Variants in PDE4D observed in about 807,000 individuals in gnomAD.
PDE4D encodes phosphodiesterase 4D, also known as 3',5'-cyclic-AMP phosphodiesterase 4D.
Under a neutral mutation model 87.4 loss-of-function variants are expected in PDE4D, and 24 were observed. The observed-to-expected ratio is 0.27, with a 90% CI of 0.20 to 0.39. The LOEUF (loss-of-function observed/expected upper bound fraction) is 0.39. Ranked by LOEUF, PDE4D falls within the 10% of genes least tolerant of loss-of-function variation. The pLI is 1.00. For synonymous variants in PDE4D, 384 were observed against 383.2 expected (o/e 1.00, Z -0.02); for missense variants, 714 against 1,041.0 (o/e 0.69, Z 4.32).
At chr5:59,039,257 C>T (rs1489101075) in intron 5 of PDE4D, 3 of 1,200,058 alleles carry the variant, frequency 2.5e-6, no homozygotes, top group Non-Finnish European at 2.1e-6. Flanking sequence ...CACAGCGACG[C>T]GAGCGGAAAA....
chr5:60,477,543 G>A (rs1488250842), intron 1 of PDE4D, among the ~76,000 whole-genome samples: 8 of 152,152 alleles, frequency 5.3e-5, no homozygotes, highest in Non-Finnish European at 1.0e-4. Flanking sequence ...AGGAAAAAAG[G>A]TGAAATGACT....
At chr5:60,480,740 T>A (rs955097970) in intron 1 of PDE4D, among the ~76,000 whole-genome samples, 12 of 152,184 alleles carry the variant, frequency 7.9e-5, no homozygotes, top group African/African-American at 2.7e-4. Flanking sequence ...AGAAATATAA[T>A]ACATATACTT....
intron 1 of PDE4D, among the ~76,000 whole-genome samples, chr5:59,340,051 C>A (rs1322332429): frequency 6.6e-6 from 1 of 151,876 alleles, no homozygotes; most frequent in Non-Finnish European, 1.5e-5. Flanking sequence ...TCATCAACAG[C>A]CCCTATTTGC....
chr5:59,884,725 G>A (rs567379579), intron 1 of PDE4D, among the ~76,000 whole-genome samples: 2 of 152,030 alleles, frequency 1.3e-5, no homozygotes, highest in South Asian at 4.1e-4. Flanking sequence ...ACCCACCAAT[G>A]TTTTCCTGAT....
At chr5:59,017,877 C>A (rs747664576) in intron 6 of PDE4D, among the ~76,000 whole-genome samples, 9 of 152,106 alleles carry the variant, frequency 5.9e-5, no homozygotes, top group Non-Finnish European at 1.3e-4. Flanking sequence ...AATAAGACTT[C>A]TTTTTCATTT....
intron 1 of PDE4D, chr5:59,592,222 T>C: frequency 1.3e-6 from 1 of 794,292 alleles, no homozygotes; most frequent in Middle Eastern, 6.4e-4. Flanking sequence ...CAGTCAATGT[T>C]AACTAATAAC....
chr5:59,368,758 T>G (rs968105107), intron 1 of PDE4D, among the ~76,000 whole-genome samples: 4 of 152,222 alleles, frequency 2.6e-5, no homozygotes, highest in Admixed American at 2.6e-4. Context: ...AACAATTGAT[T>G]GGGAAGTGAT....
chr5:59,844,866 C>A (rs78784240), intron 1 of PDE4D, among the ~76,000 whole-genome samples: 2,670 of 152,088 alleles, frequency 0.018, 85 homozygotes, highest in African/African-American at 0.061. Flanking sequence ...TTTGGGTGGG[C>A]CTGACTGAAT....
rs549866420 is a variant in PDE4D, at chr5:59,690,453, C to A, written c.455+202715G>T. Among the ~76,000 whole-genome samples, 14 of 152,040 alleles carry A rather than the reference C, an allele frequency of 9.2e-5. 1 individual carries two copies. In the South Asian group the frequency reaches 2.3e-3, roughly 25 times the overall value. On this transcript the variant is annotated intron_variant, in intron 1 of 14. Transcript: ENST00000340635. Reference sequence around the variant, plus strand: ...ATCTGATCTTTGACAAACCTGACAACAATAAGAAATGGGGAAAGGATTCCC... The same window carrying A: ...ATCTGATCTTTGACAAACCTGACAAAAATAAGAAATGGGGAAAGGATTCCC...
chr5:59,053,658 G>T (rs202066012), intron 5 of PDE4D, among the ~76,000 whole-genome samples: 28,985 of 79,606 alleles, frequency 0.36, 4,569 homozygotes, highest in East Asian at 0.77. Context: ...TTTTTTTGTT[G>T]TTGTTTTTTT....
chr5:60,386,049 C>T (rs139701113), intron 1 of PDE4D, among the ~76,000 whole-genome samples: 608 of 151,144 alleles, frequency 4.0e-3, no homozygotes, highest in Non-Finnish European at 7.1e-3. Flanking sequence ...AGCACCAAGC[C>T]CAATGCAAAA....
chr5:59,151,255 C>T (rs568419818), intron 5 of PDE4D, among the ~76,000 whole-genome samples: 2 of 152,234 alleles, frequency 1.3e-5, no homozygotes, highest in East Asian at 3.9e-4. Flanking sequence ...TCCTGTAAGC[C>T]TCAGAGTGTT....
chr5:59,696,889 T>C (rs1459614779), intron 1 of PDE4D, among the ~76,000 whole-genome samples: 1 of 152,004 alleles, frequency 6.6e-6, no homozygotes, highest in Non-Finnish European at 1.5e-5. Context: ...GAAGGACTAA[T>C]GGAAAGAGAT....
intron 1 of PDE4D, among the ~76,000 whole-genome samples, chr5:59,238,728 C>T (rs140704845): frequency 8.5e-5 from 13 of 152,244 alleles, no homozygotes; most frequent in Admixed American, 4.6e-4. Flanking sequence ...AAATCTCATA[C>T]GCATTTCAAA....
chr5:59,606,822 T>C (rs1407258633), intron 1 of PDE4D, among the ~76,000 whole-genome samples: 1 of 152,124 alleles, frequency 6.6e-6, no homozygotes, highest in African/African-American at 2.4e-5. Context: ...GTTAAGCAAA[T>C]CACCCAAAGT....
intron 1 of PDE4D, among the ~76,000 whole-genome samples, chr5:59,429,789 C>G (rs989811567): frequency 5.3e-5 from 8 of 152,154 alleles, no homozygotes; most frequent in Non-Finnish European, 1.5e-5. Flanking sequence ...GAACACAGAT[C>G]TAAAATGACA....
chr5:60,217,928 G>T (rs1205484987), intron 1 of PDE4D, among the ~76,000 whole-genome samples: 1 of 151,794 alleles, frequency 6.6e-6, no homozygotes. Flanking sequence ...AGGAACTAGG[G>T]CTCTCATACA....
chr5:60,393,042 ACAAAGCT>A (rs1762657027), intron 1 of PDE4D, among the ~76,000 whole-genome samples: 1 of 152,244 alleles, frequency 6.6e-6, no homozygotes, highest in Non-Finnish European at 1.5e-5. Context: ...TGCCCAGTAA[ACAAAGCT>A]TTGATTGTGA....
intron 5 of PDE4D, among the ~76,000 whole-genome samples, chr5:59,089,491 G>A (rs1319866605): frequency 6.6e-6 from 1 of 152,138 alleles, no homozygotes; most frequent in African/African-American, 2.4e-5. Flanking sequence ...ACTGCTTTAA[G>A]TATTTTTATA....
Sources: gnomAD v4.1 joint callset for allele counts (sites outside exome capture counted in the v4.1 genomes callset) on GRCh38, gnomAD v4.1.1 for gene constraint, MANE v1.5 for transcripts, NCBI Gene and HGNC (gene_info 2026-07-23, HGNC 2026-07-21) for gene names.